The following HYPK variants were observed in gnomAD, a reference collection of about 807,000 sequenced individuals.
The protein encoded by HYPK is huntingtin-interacting protein K.
Under a neutral mutation model 13.9 loss-of-function variants are expected in HYPK, and 9 were observed. That is an observed-to-expected ratio of 0.65 (90% confidence interval 0.39 to 1.13). The LOEUF is 1.13. Among genes scored for constraint, HYPK ranks in the 50% most tolerant of loss-of-function variants. The probability of loss-of-function intolerance (pLI) is 0.01; values close to 1 mark genes in which losing one functional copy is unlikely to be tolerated. For missense variants in HYPK, 138 were observed against 157.6 expected (o/e 0.88, Z 0.67); for synonymous variants, 76 against 57.0 (o/e 1.33, Z -1.50).
rs898664472 is a variant in HYPK at position 43,804,103 on chromosome 15, AC to A, written c.*2298del. Among the ~76,000 whole-genome samples, 13 of 142,788 alleles carry A rather than the reference AC, an allele frequency of 9.1e-5. No individual in the cohort carries two copies. The highest frequency in any genetic ancestry group is 3.5e-4 in the African/African-American group (12 of 34,630). 93.7% of individuals were successfully genotyped at this position (142,788 alleles called of 152,430 possible). ...CCGTCTCTTTAAAACAAACAAACAA[AC>A]AAAAAAAAAACCCTGCAACGGCCCC... On this transcript the variant is annotated 3_prime_UTR_variant, in exon 4 of 4. Transcript: ENST00000442995.
At chr15:43,801,597 G>A (rs755649237) in intron 3 of HYPK, 28 bp downstream of exon 3, 20 of 1,609,694 alleles carry the variant, frequency 1.2e-5, no homozygotes, top group Non-Finnish European at 1.6e-5. Flanking sequence ...ACTAGTGTAT[G>A]CGGAGGGGAG....
At position 43,803,199 on chromosome 15, in the gene HYPK, G is replaced by C. The variant is rs2087337773; in HGVS notation, c.*1393G>C. 6.7e-6 allele frequency among the ~76,000 whole-genome samples: 1 copy of C among 149,490 alleles called. No homozygotes were observed. Among genetic ancestry groups the C allele is most frequent in the Non-Finnish European group, 1.5e-5 (1 of 67,394 alleles). On this transcript the variant is annotated 3_prime_UTR_variant, in exon 4 of 4. Transcript: ENST00000442995. ...AGGTCAGGATTTCCAGACCAGCCTG[G>C]GCAACATAGCATGACCTTGTCTCTA...
Position 43,803,284 on chromosome 15 carries a change from T to C in HYPK, c.*1478T>C, listed in dbSNP as rs909918956. ...GCATGTGCCTGTCTGTGGTCCCAGA[T>C]ACTCTGGAGGCTGAGATGGATTTGC... On this transcript the variant is annotated 3_prime_UTR_variant, in exon 4 of 4. Transcript: ENST00000442995. Among the ~76,000 whole-genome samples, 1 of 151,330 alleles carries C rather than the reference T, an allele frequency of 6.6e-6. No homozygotes were observed. Among genetic ancestry groups the C allele is most frequent in the African/African-American group, 2.4e-5 (1 of 41,130 alleles).
chr15:43,801,904 T>C lies in HYPK; in HGVS notation c.*98T>C. On this transcript the variant is annotated 3_prime_UTR_variant, in exon 4 of 4. Coordinates refer to ENST00000442995, the MANE Select transcript of HYPK (RefSeq NM_016400.4). Reference sequence around the variant, plus strand: ...ATCATCTTGGGTCAAGTAGAGTGTATACTATATCCTATGTTGTGGAGAATT... The same window carrying C: ...ATCATCTTGGGTCAAGTAGAGTGTACACTATATCCTATGTTGTGGAGAATT... The C allele has an allele frequency of 1.1e-6, 1 of 890,398 alleles. No homozygotes were observed. Among genetic ancestry groups the C allele is most frequent in the South Asian group, 1.4e-5 (1 of 69,710 alleles). 55.2% of individuals were successfully genotyped at this position (890,398 alleles called of 1,614,324 possible).
chr15:43,801,176 C>G lies in HYPK; in HGVS notation c.207C>G (p.Ala69=). The G allele has an allele frequency of 6.2e-7, 1 of 1,613,954 alleles. No homozygotes were observed. Among genetic ancestry groups the G allele is most frequent in the African/African-American group, 1.3e-5 (1 of 75,016 alleles). Residue 69 remains alanine, a synonymous_variant, in exon 2 of 4, where the codon GCC becomes GCG. Transcript: ENST00000442995. ...IGDRRSREQK[A]KQEREKELAK... ...ACAGAAGGTCCCGGGAGCAGAAAGC[C>G]AAACAGGAGCGGTAAGTCTTCAGGG... is the stretch of plus-strand genomic sequence containing the variant.
chr15:43,800,832 G>A, intron 1 of HYPK, 48 bp downstream of exon 1: 5 of 1,507,318 alleles, frequency 3.3e-6, no homozygotes, highest in Non-Finnish European at 3.6e-6. Flanking sequence ...GCAGAGGGGG[G>A]CTCTGAGGCT....
chr15:43,801,188 G>T lies in HYPK; in HGVS notation c.218+1G>T, dbSNP rs371141321. ...GGGAGCAGAAAGCCAAACAGGAGCG[G>T]TAAGTCTTCAGGGGCAGCCAACTTT... On this transcript the variant is annotated splice_donor_variant, in intron 2 of 3. Coordinates refer to ENST00000442995, the MANE Select transcript of HYPK (RefSeq NM_016400.4). LOFTEE classifies it high-confidence loss of function. 2.0e-5 allele frequency: 33 copies of T among 1,613,526 alleles called. No homozygotes were observed. The highest frequency in any genetic ancestry group is 2.7e-5 in the Non-Finnish European group (32 of 1,179,592).
rs909334509 is a variant in HYPK, at chr15:43,803,456, A to G, written c.*1650A>G. Among the ~76,000 whole-genome samples, 2 of 152,068 alleles carry G rather than the reference A, an allele frequency of 1.3e-5. No individual in the cohort carries two copies. The highest frequency in any genetic ancestry group is 2.9e-5 in the Non-Finnish European group (2 of 68,014). ...AATTCTAAGCCATAATACATTCTAC[A>G]TGCCATTTCCTATCCTAGAGAGAAG... On this transcript the variant is annotated 3_prime_UTR_variant, in exon 4 of 4. Coordinates refer to ENST00000442995, the MANE Select transcript of HYPK (RefSeq NM_016400.4).
Position 43,800,599 on chromosome 15 carries a change from A to C in HYPK, c.-24A>C. Reference sequence around the variant, plus strand: ...CGGAAGTCGGCGTGAGGTGGGGCTTATGCGGCGGCGTGGTGAAATAGATAT... The same window carrying C: ...CGGAAGTCGGCGTGAGGTGGGGCTTCTGCGGCGGCGTGGTGAAATAGATAT... On this transcript the variant is annotated 5_prime_UTR_variant, in exon 1 of 4. An upstream start codon of the reference 5' UTR is lost. Coordinates refer to ENST00000442995, the MANE Select transcript of HYPK (RefSeq NM_016400.4). 1.2e-6 allele frequency: 2 copies of C among 1,613,792 alleles called. No homozygotes were observed. Among genetic ancestry groups the C allele is most frequent in the Non-Finnish European group, 1.7e-6 (2 of 1,179,904 alleles).
intron 1 of HYPK, 54 bp from the exon 2 acceptor site, chr15:43,801,078 G>A: frequency 6.7e-7 from 1 of 1,490,080 alleles, no homozygotes; most frequent in Non-Finnish European, 9.4e-7. Flanking sequence ...TGGCCTTTTA[G>A]ATTATTGGGA....
intron 1 of HYPK, 111 bp downstream of exon 1, chr15:43,800,895 A>C (rs1290658576): frequency 1.4e-5 from 16 of 1,127,618 alleles, no homozygotes; most frequent in East Asian, 1.0e-4. Context: ...TGGCAGGAGG[A>C]GGCAATAGGG....
upstream of HYPK, chr15:43,800,497 T>TC (rs1294642291): frequency 3.1e-6 from 4 of 1,297,762 alleles, no homozygotes; most frequent in African/African-American, 4.4e-5. Context: ...CCCTGAAGCT[T>TC]CTAGAACTGG....
At chr15:43,801,224 C>A (rs181848353) in intron 2 of HYPK, 37 bp downstream of exon 2, 8 of 1,551,524 alleles carry the variant, frequency 5.2e-6, no homozygotes, top group Non-Finnish European at 7.1e-6. Context: ...AACAGTTCTT[C>A]CCTCCCCGGT....
In HYPK at chr15:43,800,642, T is replaced by C; in HGVS notation, c.20T>C (p.Val7Ala). 1.2e-6 allele frequency: 2 copies of C among 1,613,982 alleles called. No individual in the cohort carries two copies. The highest frequency in any genetic ancestry group is 1.7e-6 in the Non-Finnish European group (2 of 1,179,980). Residue 7 changes from valine (V) to alanine (A), a missense_variant, in exon 1 of 4, where the codon GTG (valine) becomes GCG (alanine). By Grantham distance (64) the Val-to-Ala change is moderately conservative (BLOSUM62 0). Transcript: ENST00000442995. ...ATAGATATGGCGACCGAGGGGGATGTGGAGCTGGAGTTGGAGACTGAGACC... is the reference window on the plus strand; with the variant it reads ...ATAGATATGGCGACCGAGGGGGATGCGGAGCTGGAGTTGGAGACTGAGACC... MATEGD[V>A]ELELETETSG...
rs886205269 is a variant in HYPK, at chr15:43,804,073, C to T, written c.*2267C>T. On this transcript the variant is annotated 3_prime_UTR_variant, in exon 4 of 4. Coordinates refer to ENST00000442995, the MANE Select transcript of HYPK (RefSeq NM_016400.4). ...GGCTGAGGCACTCTAGCCTGGGCAA[C>T]AGAGCCGTCTCTTTAAAACAAACAA... Among the ~76,000 whole-genome samples the T allele has an allele frequency of 1.3e-5, 2 of 151,604 alleles. No individual in the cohort carries two copies. Among genetic ancestry groups the T allele is most frequent in the Non-Finnish European group, 2.9e-5 (2 of 67,990 alleles).
intron 2 of HYPK, 115 bp from the exon 3 acceptor site, chr15:43,801,403 T>G: frequency 1.0e-6 from 1 of 1,003,772 alleles, no homozygotes; most frequent in Non-Finnish European, 1.5e-6. Flanking sequence ...GAGTTTTTAT[T>G]TTCAATCAAG....
chr15:43,801,827 C>T lies in HYPK; in HGVS notation c.*21C>T, dbSNP rs2087321352. 6.2e-7 allele frequency: 1 copy of T among 1,602,706 alleles called. No homozygotes were observed. Among genetic ancestry groups the T allele is most frequent in the African/African-American group, 1.3e-5 (1 of 74,578 alleles). ...ACTGATGCGTGCTTTCTCAAATATA[C>T]CTACTGGATTAATTTATGGCAATAA... On this transcript the variant is annotated 3_prime_UTR_variant, in exon 4 of 4. Coordinates refer to ENST00000442995, the MANE Select transcript of HYPK (RefSeq NM_016400.4).
chr15:43,800,586 T>G, upstream of HYPK: 4 of 1,612,996 alleles, frequency 2.5e-6, no homozygotes, highest in Non-Finnish European at 2.5e-6. Context: ...GAAGTCGGCG[T>G]GAGGTGGGGC....
chr15:43,803,788 CAAAAAAAA>C lies in HYPK; in HGVS notation c.*1995_*2002del, dbSNP rs35814039. On this transcript the variant is annotated 3_prime_UTR_variant, in exon 4 of 4. Transcript: ENST00000442995. Reference sequence around the variant, plus strand: ...GGGCAACAAGAGTGAAACTCCATCTCAAAAAAAAAAAAAAAAAAAATCAGCTTGGACCA... The same window carrying C: ...GGGCAACAAGAGTGAAACTCCATCTCAAAAAAAAAAAATCAGCTTGGACCA... Among the ~76,000 whole-genome samples, 13 of 102,344 alleles carry C rather than the reference CAAAAAAAA, an allele frequency of 1.3e-4. No individual in the cohort carries two copies. In the East Asian group the frequency reaches 3.5e-3, roughly 28 times the overall value. The allele number at this position is 102,344 out of a possible 152,430, so 67.1% of individuals were successfully genotyped here. A position where few individuals can be genotyped will look rare whatever the true frequency, so the allele number is the denominator to read the frequency against.
Sources: gnomAD v4.1 joint callset for allele counts (sites outside exome capture counted in the v4.1 genomes callset) on GRCh38, gnomAD v4.1.1 for gene constraint, MANE v1.5 for transcripts, NCBI Gene and HGNC (gene_info 2026-07-23, HGNC 2026-07-21) for gene names.